Variants in PRKAR2A observed in about 807,000 individuals in gnomAD.
The protein encoded by PRKAR2A is cAMP-dependent protein kinase type II-alpha regulatory subunit.
PRKAR2A carries 29 observed loss-of-function variants against 51.9 expected under a neutral mutation model. That is an observed-to-expected ratio of 0.56 (90% CI 0.42 to 0.76). PRKAR2A has a LOEUF of 0.76. Ranked by LOEUF, PRKAR2A falls within the 30% of genes least tolerant of loss-of-function variation. The pLI is 0.00. For synonymous variants in PRKAR2A, 178 were observed against 186.2 expected, an observed-to-expected ratio of 0.96 and a Z score of 0.36; for missense variants, 445 against 512.1, an observed-to-expected ratio of 0.87 and a Z score of 1.26.
At chr3:48,768,791 T>C (rs2081978563) in intron 6 of PRKAR2A, among the ~76,000 whole-genome samples, 1 of 152,008 alleles carries the variant, frequency 6.6e-6, no homozygotes, top group African/African-American at 2.4e-5. Context: ...CAAAGATTAG[T>C]ACAATTGCAA....
intron 8 of PRKAR2A, among the ~76,000 whole-genome samples, chr3:48,757,959 G>A (rs1436210826): frequency 3.3e-5 from 5 of 152,170 alleles, no homozygotes; most frequent in Admixed American, 1.3e-4. Flanking sequence ...GGGAGGCTGA[G>A]GCAGAAGAAT....
At chr3:48,772,909 G>T in intron 6 of PRKAR2A, 46 bp downstream of exon 6, 1 of 1,553,038 alleles carries the variant, frequency 6.4e-7, no homozygotes, top group Non-Finnish European at 8.8e-7. Context: ...ACACAGAAAG[G>T]GAATTAATAC....
chr3:48,793,077 AATTTTCTAT>A (rs567071266), intron 3 of PRKAR2A, among the ~76,000 whole-genome samples: 34 of 151,904 alleles, frequency 2.2e-4, no homozygotes, highest in Non-Finnish European at 1.6e-4. Flanking sequence ...TTCCAGACAG[AATTTTCTAT>A]ATATACATAC....
chr3:48,794,432 C>T (rs985869404), intron 2 of PRKAR2A, among the ~76,000 whole-genome samples: 6 of 151,796 alleles, frequency 4.0e-5, no homozygotes, highest in African/African-American at 1.4e-4. Flanking sequence ...TATAAATGCT[C>T]ATGCCTATAA....
At chr3:48,805,931 T>A (rs553251879) in intron 2 of PRKAR2A, among the ~76,000 whole-genome samples, 2 of 152,244 alleles carry the variant, frequency 1.3e-5, no homozygotes, top group South Asian at 4.1e-4. Flanking sequence ...CCAAACAAAC[T>A]AACACCAACT....
intron 6 of PRKAR2A, 148 bp downstream of exon 6, chr3:48,772,807 T>C (rs1575856808): frequency 6.7e-6 from 5 of 745,834 alleles, no homozygotes; most frequent in South Asian, 7.3e-5. Context: ...CACCTGGCTA[T>C]TTTTTTTGTA....
At chr3:48,800,506 C>A (rs1037358543) in intron 2 of PRKAR2A, among the ~76,000 whole-genome samples, 3 of 148,252 alleles carry the variant, frequency 2.0e-5, no homozygotes, top group Non-Finnish European at 3.0e-5. Flanking sequence ...AGCGAGACTC[C>A]GTCTCAAAAA....
At chr3:48,777,696 C>T (rs1391690653) in intron 5 of PRKAR2A, among the ~76,000 whole-genome samples, 9 of 152,074 alleles carry the variant, frequency 5.9e-5, no homozygotes, top group South Asian at 4.2e-4. Context: ...TGAGGCACCG[C>T]GCCAGGCCTT....
chr3:48,772,918 A>T (rs1281328844), intron 6 of PRKAR2A, 37 bp downstream of exon 6: 4 of 1,596,004 alleles, frequency 2.5e-6, no homozygotes, highest in Non-Finnish European at 3.4e-6. Flanking sequence ...GGGAATTAAT[A>T]CTGTGCCTTG....
intron 1 of PRKAR2A, among the ~76,000 whole-genome samples, chr3:48,820,364 A>G (rs1245697009): frequency 6.6e-6 from 1 of 152,198 alleles, no homozygotes; most frequent in African/African-American, 2.4e-5. Flanking sequence ...CTTGAATGGT[A>G]ACGGGAATGG....
At position 48,773,493 on chromosome 3, in the gene PRKAR2A, G is replaced by A. The variant is rs553381337; in HGVS notation, c.543-385C>T. 4.0e-5 allele frequency among the ~76,000 whole-genome samples: 6 copies of A among 151,710 alleles called. No homozygotes were observed. The South Asian group carries it at 8.3e-4, about 21-fold the overall frequency. ...CGAGTAGCTGGGACTACAGGCACGC[G>A]CCACCAGGCCCAGATAATTTTTTTG... On this transcript the variant is annotated intron_variant, in intron 5 of 10. Transcript: ENST00000265563.
At chr3:48,780,228 T>C (rs541674412) in intron 5 of PRKAR2A, among the ~76,000 whole-genome samples, 5 of 152,148 alleles carry the variant, frequency 3.3e-5, no homozygotes, top group Admixed American at 6.5e-5. Flanking sequence ...AGTATTAGCA[T>C]AAAAGATGAA....
Position 48,795,178 on chromosome 3 carries a change from G to A in PRKAR2A, c.299-1129C>T, listed in dbSNP as rs1164998389. 3.3e-5 allele frequency among the ~76,000 whole-genome samples: 5 copies of A among 152,098 alleles called. No individual in the cohort carries two copies. The East Asian group carries it at 7.7e-4, about 24-fold the overall frequency. ...TTTTTAGTAGAGACAGGGTTTCACC[G>A]TGTTAGCCAGGATGGTCTCGATCTC... is the stretch of plus-strand genomic sequence containing the variant. On this transcript the variant is annotated intron_variant, in intron 2 of 10. Coordinates refer to ENST00000265563, the MANE Select transcript of PRKAR2A (RefSeq NM_004157.4).
intron 1 of PRKAR2A, among the ~76,000 whole-genome samples, chr3:48,830,095 C>T (rs955074658): frequency 1.3e-5 from 2 of 150,428 alleles, no homozygotes; most frequent in Non-Finnish European, 3.0e-5. Context: ...CCCAACTGCT[C>T]GAGAGGCTGG....
chr3:48,799,855 G>A (rs1040401182), intron 2 of PRKAR2A, among the ~76,000 whole-genome samples: 30 of 152,048 alleles, frequency 2.0e-4, no homozygotes, highest in African/African-American at 7.0e-4. Context: ...TGACAAAGAA[G>A]GTTTTTATTT....
chr3:48,753,221 C>T (rs1014122400), intron 9 of PRKAR2A, among the ~76,000 whole-genome samples: 8 of 151,656 alleles, frequency 5.3e-5, no homozygotes, highest in Non-Finnish European at 1.0e-4. Flanking sequence ...GCACTCCCCC[C>T]TCCCATTTTT....
At chr3:48,746,083 G>A (rs2081558542), downstream of PRKAR2A, among the ~76,000 whole-genome samples, 1 of 151,996 alleles carries the variant, frequency 6.6e-6, no homozygotes, top group African/African-American at 2.4e-5. Flanking sequence ...CAACAACATT[G>A]GCTCTTCTGA....
chr3:48,847,787 A>ACCGCCGCCGCTGTCACTGGGCAG lies in PRKAR2A; in HGVS notation c.-214_-192dup, dbSNP rs2083494870. On this transcript the variant is annotated 5_prime_UTR_variant, in exon 1 of 11. Transcript: ENST00000265563. The surrounding 1 kb of genome is among the most constrained non-coding windows in gnomAD (Gnocchi z 4.4). ...CCTACGCTACCACGGCCGACCTGGC[A>ACCGCCGCCGCTGTCACTGGGCAG]CCGCCGCCGCTGTCACTGGGCAGCC... 1 of 515,988 alleles carries ACCGCCGCCGCTGTCACTGGGCAG rather than the reference A, an allele frequency of 1.9e-6. No individual in the cohort carries two copies. The allele number at this position is 515,988 out of a possible 1,614,324, so 32.0% of individuals were successfully genotyped here.
intron 8 of PRKAR2A, among the ~76,000 whole-genome samples, chr3:48,764,462 A>G (rs1445204385): frequency 6.6e-6 from 1 of 152,188 alleles, no homozygotes; most frequent in African/African-American, 2.4e-5. Context: ...AAATGACATC[A>G]AAAGAACAAA....
Sources: allele counts gnomAD v4.1 joint callset (sites outside exome capture counted in the v4.1 genomes callset), GRCh38; gene constraint gnomAD v4.1.1; non-coding constraint Gnocchi (gnomAD v3.1); transcripts MANE v1.5; gene names NCBI Gene and HGNC (gene_info 2026-07-23, HGNC 2026-07-21).